FSTL4: variants seen among roughly 807,000 people sequenced by gnomAD.
FSTL4 encodes follistatin-related protein 4.
A neutral mutation model predicts 78.2 loss-of-function variants in FSTL4; 28 were observed. The ratio of observed to expected loss-of-function variants is 0.36; its 90% confidence interval spans 0.27 to 0.49. The LOEUF (loss-of-function observed/expected upper bound fraction) is 0.49. Ranked by LOEUF, FSTL4 falls within the 20% of genes least tolerant of loss-of-function variation. The pLI, the probability that FSTL4 is intolerant of heterozygous loss-of-function variation, is 0.98. For missense variants in FSTL4, 922 were observed against 1,084.9 expected (o/e 0.85, Z 2.11); for synonymous variants, 422 against 440.5 (o/e 0.96, Z 0.53).
At chr5:133,519,165 C>T (rs1204570311) in intron 3 of FSTL4, among the ~76,000 whole-genome samples, 2 of 152,224 alleles carry the variant, frequency 1.3e-5, no homozygotes, top group Non-Finnish European at 2.9e-5. Context: ...CATTCCATTG[C>T]TTGTCCTTAT....
rs147037201 is a variant in FSTL4, at chr5:133,262,977, C to T, written c.728-13401G>A. On this transcript the variant is annotated intron_variant, in intron 6 of 15. Transcript: ENST00000265342. ...AGAGGAGGCTGCCACCCAGGCATGGCGCTCTGGACCGAGCATGGCTCTGAG... is the reference window on the plus strand; with the variant it reads ...AGAGGAGGCTGCCACCCAGGCATGGTGCTCTGGACCGAGCATGGCTCTGAG... 5.3e-3 allele frequency among the ~76,000 whole-genome samples: 810 copies of T among 152,120 alleles called. 11 individuals are homozygous for T. The highest frequency in any genetic ancestry group is 0.018 in the African/African-American group (757 of 41,510).
At chr5:133,559,954 T>A (rs957728579) in intron 3 of FSTL4, among the ~76,000 whole-genome samples, 1 of 152,146 alleles carries the variant, frequency 6.6e-6, no homozygotes, top group South Asian at 2.1e-4. Context: ...GTATCTGTGA[T>A]CTGACCTTTG....
At chr5:133,321,636 A>T (rs1233600049) in intron 4 of FSTL4, among the ~76,000 whole-genome samples, 1 of 152,232 alleles carries the variant, frequency 6.6e-6, no homozygotes, top group African/African-American at 2.4e-5. Flanking sequence ...ACCTGAGGTC[A>T]GGAGTTCGAG....
At chr5:133,273,011 T>C (rs573203445) in intron 6 of FSTL4, among the ~76,000 whole-genome samples, 5 of 152,364 alleles carry the variant, frequency 3.3e-5, no homozygotes, top group African/African-American at 1.2e-4. Flanking sequence ...CAGGACGGAT[T>C]GGGCCATCAA....
At chr5:133,348,969 G>A (rs75385569) in intron 4 of FSTL4, among the ~76,000 whole-genome samples, 2,125 of 152,284 alleles carry the variant, frequency 0.014, 67 homozygotes, top group African/African-American at 0.047. Flanking sequence ...AATTAAAACA[G>A]CTAAGTCATC....
intron 3 of FSTL4, among the ~76,000 whole-genome samples, chr5:133,502,074 A>G (rs550065434): frequency 6.6e-6 from 1 of 152,316 alleles, no homozygotes; most frequent in South Asian, 2.1e-4. Context: ...CTTTGGAGGG[A>G]GCACAGCCCT....
At position 133,266,142 on chromosome 5, in the gene FSTL4, C is replaced by T. The variant is rs967344403; in HGVS notation, c.728-16566G>A. Among the ~76,000 whole-genome samples, 5 of 152,328 alleles carry T rather than the reference C, an allele frequency of 3.3e-5. No individual in the cohort carries two copies. In the East Asian group the frequency reaches 5.8e-4, roughly 18 times the overall value. Reference sequence around the variant, plus strand: ...CTCCCAGGAGGCCCTCACTGGACATCGTGAGCCCAGCCAGCGCTGGCCAGA... The same window carrying T: ...CTCCCAGGAGGCCCTCACTGGACATTGTGAGCCCAGCCAGCGCTGGCCAGA... On this transcript the variant is annotated intron_variant, in intron 6 of 15. Transcript: ENST00000265342.
chr5:133,505,997 G>A (rs1758605017), intron 3 of FSTL4, among the ~76,000 whole-genome samples: 1 of 152,172 alleles, frequency 6.6e-6, no homozygotes, highest in African/African-American at 2.4e-5. Flanking sequence ...CCAGACAGTG[G>A]GCAAGTAGGC....
chr5:133,410,833 C>T (rs577948555), intron 3 of FSTL4, among the ~76,000 whole-genome samples: 3 of 152,292 alleles, frequency 2.0e-5, no homozygotes, highest in Non-Finnish European at 2.9e-5. Context: ...TGTCTCTCAA[C>T]GGGATTATCA....
chr5:133,475,222 A>G (rs1327865290), intron 3 of FSTL4, among the ~76,000 whole-genome samples: 1 of 152,190 alleles, frequency 6.6e-6, no homozygotes, highest in African/African-American at 2.4e-5. Context: ...AACCGCATCA[A>G]TTTTCCCAGT....
the FSTL4 span, among the ~76,000 whole-genome samples, chr5:133,657,314 G>A: frequency 6.6e-6 from 1 of 152,208 alleles, no homozygotes. Flanking sequence ...GGAGAGCTGT[G>A]ATGTAGGAAG....
chr5:133,635,887 TA>T, the FSTL4 span, among the ~76,000 whole-genome samples: 1 of 152,156 alleles, frequency 6.6e-6, no homozygotes, highest in Non-Finnish European at 1.5e-5. Context: ...CAGTTCAACT[TA>T]AGCCCAGTGG....
intron 6 of FSTL4, among the ~76,000 whole-genome samples, chr5:133,279,225 G>A (rs983181985): frequency 9.2e-5 from 14 of 152,336 alleles, no homozygotes; most frequent in East Asian, 5.8e-4. Context: ...GGAGGTGAGC[G>A]GCGGGCACTG....
chr5:133,221,913 T>TTTTTTTTTTTTTTTTTTTTTTTTTTTTG lies in FSTL4; in HGVS notation c.1340-1048_1340-1047insCAAAAAAAAAAAAAAAAAAAAAAAAAAA, dbSNP rs1751140299. On this transcript the variant is annotated intron_variant, in intron 11 of 15. Transcript: ENST00000265342. ...CTAGTTTTTTTTTTTTTTTTTTTTT[T>TTTTTTTTTTTTTTTTTTTTTTTTTTTTG]TTTTTTTTTTTTTTAGCATGCTGAG... 2.0e-5 allele frequency among the ~76,000 whole-genome samples: 2 copies of TTTTTTTTTTTTTTTTTTTTTTTTTTTTG among 97,806 alleles called. 1 individual carries two copies. Among genetic ancestry groups the TTTTTTTTTTTTTTTTTTTTTTTTTTTTG allele is most frequent in the Non-Finnish European group, 3.9e-5 (2 of 51,388 alleles). 64.2% of individuals were successfully genotyped at this position (97,806 alleles called of 152,430 possible). A position where few individuals can be genotyped will look rare whatever the true frequency, so the allele number is the denominator to read the frequency against.
chr5:133,729,487 T>C, the FSTL4 span, among the ~76,000 whole-genome samples: 1 of 152,156 alleles, frequency 6.6e-6, no homozygotes, highest in Non-Finnish European at 1.5e-5. Flanking sequence ...GCCCAATAAG[T>C]ATTAATTGTG....
At chr5:133,508,388 T>A (rs1487297055) in intron 3 of FSTL4, among the ~76,000 whole-genome samples, 1 of 152,204 alleles carries the variant, frequency 6.6e-6, no homozygotes, top group Non-Finnish European at 1.5e-5. Context: ...GAGCTACCTT[T>A]GGGAGGGTCA....
the FSTL4 span, among the ~76,000 whole-genome samples, chr5:133,640,940 A>T: frequency 1.3e-5 from 2 of 152,250 alleles, no homozygotes; most frequent in African/African-American, 4.8e-5. Flanking sequence ...CAAATGGATT[A>T]AAAGTCCAAA....
intron 13 of FSTL4, among the ~76,000 whole-genome samples, chr5:133,215,270 T>C (rs910950923): frequency 6.6e-6 from 1 of 152,232 alleles, no homozygotes; most frequent in African/African-American, 2.4e-5. Context: ...TCTTTAAATG[T>C]TGGAGTGCTT....
chr5:133,793,961 T>A, the FSTL4 span, among the ~76,000 whole-genome samples: 1 of 152,238 alleles, frequency 6.6e-6, no homozygotes, highest in African/African-American at 2.4e-5. Context: ...CTGGAGGAAT[T>A]CCCTGAGAAG....
Sources: allele counts gnomAD v4.1 joint callset (sites outside exome capture counted in the v4.1 genomes callset), GRCh38; gene constraint gnomAD v4.1.1; transcripts MANE v1.5; gene names NCBI Gene and HGNC (gene_info 2026-07-23, HGNC 2026-07-21).